The following CR1 variants were observed in gnomAD, a reference collection of about 807,000 sequenced individuals.
CR1 encodes complement C3b/C4b receptor 1 (Knops blood group), also known as complement receptor type 1.
CR1 carries 116 observed loss-of-function variants against 187.3 expected under a neutral mutation model. The ratio of observed to expected loss-of-function variants is 0.62; its 90% CI spans 0.53 to 0.72. CR1 has a LOEUF of 0.72. CR1 is among the 30% of genes least tolerant of loss of function. The probability of loss-of-function intolerance (pLI) is 0.00; values close to 1 mark genes in which losing one functional copy is unlikely to be tolerated. For synonymous variants in CR1, 576 were observed against 747.1 expected, an observed-to-expected ratio of 0.77 and a Z score of 3.73; for missense variants, 1,731 against 2,110.7, an observed-to-expected ratio of 0.82 and a Z score of 3.52.
chr1:207,500,456 A>C (rs1365141512), intron 1 of CR1, among the ~76,000 whole-genome samples: 2 of 152,216 alleles, frequency 1.3e-5, no homozygotes, highest in Non-Finnish European at 2.9e-5. Flanking sequence ...CAGACATGAA[A>C]GTGATGATGT....
intron 46 of CR1, among the ~76,000 whole-genome samples, chr1:207,631,441 C>T (rs1662643090): frequency 6.6e-6 from 1 of 152,132 alleles, no homozygotes. Context: ...GCAACAGAGA[C>T]CCCAAAAGCC....
At chr1:207,599,832 G>T (rs926589745) in intron 35 of CR1, among the ~76,000 whole-genome samples, 1 of 152,202 alleles carries the variant, frequency 6.6e-6, no homozygotes, top group African/African-American at 2.4e-5. Context: ...GACCACCTGA[G>T]ATGGAGGTGG....
intron 40 of CR1, 75 bp from the exon 41 acceptor site, chr1:207,616,500 A>C: frequency 6.8e-7 from 1 of 1,480,048 alleles, no homozygotes; most frequent in East Asian, 2.3e-5. Context: ...TTAAGCGCAC[A>C]GTCACAGGTC....
At chr1:207,618,345 A>G in intron 42 of CR1, 98 bp downstream of exon 42, 1 of 1,141,646 alleles carries the variant, frequency 8.8e-7, no homozygotes, top group East Asian at 2.5e-5. Context: ...AATGAAAGGG[A>G]TAATATTTTT....
At chr1:207,615,586 G>A (rs1433710209) in intron 40 of CR1, among the ~76,000 whole-genome samples, 8 of 152,122 alleles carry the variant, frequency 5.3e-5, no homozygotes, top group African/African-American at 1.9e-4. Context: ...ATTCTATTCT[G>A]TCTACTAAAG....
intron 1 of CR1, among the ~76,000 whole-genome samples, chr1:207,502,895 G>T (rs1659315189): frequency 6.6e-6 from 1 of 152,154 alleles, no homozygotes; most frequent in Non-Finnish European, 1.5e-5. Context: ...GAAGTCCCAG[G>T]CTGAATCCGG....
rs1660476233 is a variant in CR1, at chr1:207,565,820, T to G, written c.3867-18T>G. The G allele has an allele frequency of 5.0e-6, 8 of 1,610,334 alleles. No homozygotes were observed. The highest frequency in any genetic ancestry group is 6.8e-6 in the Non-Finnish European group (8 of 1,179,478). On this transcript the variant is annotated intron_variant, in intron 23 of 46. Coordinates refer to ENST00000367049, the MANE Select transcript of CR1 (RefSeq NM_000651.6). The stretch of plus-strand genomic sequence containing the variant: ...TTGGCTGAAACAGCTCACTATTCAC[T>G]CCTATTTTCTTCTTTAGATTTCAAT...
chr1:207,519,791 A>G (rs578091532), intron 4 of CR1, among the ~76,000 whole-genome samples: 5 of 151,696 alleles, frequency 3.3e-5, no homozygotes, highest in Non-Finnish European at 5.9e-5. Context: ...ACTGACGTAC[A>G]GAAAACAGAA....
chr1:207,504,088 C>A (rs1659355832), intron 1 of CR1, among the ~76,000 whole-genome samples: 1 of 152,144 alleles, frequency 6.6e-6, no homozygotes, highest in African/African-American at 2.4e-5. Flanking sequence ...AGGGGAAAGG[C>A]ATTAAATTTG....
chr1:207,575,575 T>G lies in CR1; in HGVS notation c.4452-20T>G. 6.2e-7 allele frequency: 1 copy of G among 1,611,824 alleles called. No individual in the cohort carries two copies. The highest frequency in any genetic ancestry group is 1.7e-5 in the Admixed American group (1 of 60,016). On this transcript the variant is annotated intron_variant, in intron 27 of 46. Transcript: ENST00000367049. Reference sequence around the variant, plus strand: ...GATGAGGTATGTACAGGACAATGATTTTCCATTTTTTGCCTTTAGGCACCG... The same window carrying G: ...GATGAGGTATGTACAGGACAATGATGTTCCATTTTTTGCCTTTAGGCACCG...
At chr1:207,606,805 G>A (rs958133429) in intron 35 of CR1, among the ~76,000 whole-genome samples, 1 of 152,024 alleles carries the variant, frequency 6.6e-6, no homozygotes, top group Non-Finnish European at 1.5e-5. Context: ...TAAATCCATT[G>A]TTCTTTCTTT....
intron 13 of CR1, among the ~76,000 whole-genome samples, chr1:207,544,680 G>C (rs1571528054): frequency 6.9e-6 from 1 of 145,150 alleles, no homozygotes; most frequent in East Asian, 2.0e-4. Context: ...TTCAGATTTT[G>C]TTCGACAGTT....
chr1:207,513,671 T>C (rs1306188437), intron 4 of CR1, among the ~76,000 whole-genome samples: 1 of 152,110 alleles, frequency 6.6e-6, no homozygotes, highest in Non-Finnish European at 1.5e-5. Flanking sequence ...AACCACCAAA[T>C]AATTATAATT....
chr1:207,523,503 T>A, intron 4 of CR1, 108 bp from the exon 5 acceptor site: 1 of 1,535,328 alleles, frequency 6.5e-7, no homozygotes, highest in East Asian at 2.4e-5. Flanking sequence ...TAGCAAAGAT[T>A]AAAAGCAAAT....
intron 32 of CR1, among the ~76,000 whole-genome samples, 165 bp downstream of exon 32, chr1:207,582,168 A>C (rs946164744): frequency 1.3e-5 from 2 of 152,232 alleles, no homozygotes; most frequent in African/African-American, 4.8e-5. Context: ...AAAAATAAAC[A>C]TGAGAATCAT....
At position 207,506,205 on chromosome 1, in the gene CR1, T is replaced by A. The variant is rs971755020; in HGVS notation, c.301+122T>A. Reference sequence around the variant, plus strand: ...TTAGTTTGCCAAGGTGCAATACATATGAGAATTATTCTTGTAGATCATACC... The same window carrying A: ...TTAGTTTGCCAAGGTGCAATACATAAGAGAATTATTCTTGTAGATCATACC... On this transcript the variant is annotated intron_variant, in intron 2 of 46. Transcript: ENST00000367049. 4 of 1,152,514 alleles carry A rather than the reference T, an allele frequency of 3.5e-6. No homozygotes were observed. In the African/African-American group the frequency reaches 6.2e-5, roughly 18 times the overall value. The allele number at this position is 1,152,514 out of a possible 1,614,324, so 71.4% of individuals were successfully genotyped here. A position where few individuals can be genotyped will look rare whatever the true frequency, so the allele number is the denominator to read the frequency against.
At chr1:207,497,402 C>G (rs560384147) in intron 1 of CR1, among the ~76,000 whole-genome samples, 18 of 152,278 alleles carry the variant, frequency 1.2e-4, no homozygotes, top group South Asian at 4.1e-4. Context: ...TTTGAAGTGA[C>G]AGTCTTGGTT....
At position 207,523,591 on chromosome 1, in the gene CR1, C is replaced by A. The variant is rs749739657; in HGVS notation, c.488-20C>A. ...ATTATTTAAACTGACTGTTATTTAT[C>A]CTGCTCTTCCTTTTTCCAGGAATTC... is the stretch of plus-strand genomic sequence containing the variant. On this transcript the variant is annotated intron_variant, in intron 4 of 46. Transcript: ENST00000367049. 1 of 1,613,524 alleles carries A rather than the reference C, an allele frequency of 6.2e-7. No homozygotes were observed. The highest frequency in any genetic ancestry group is 8.5e-7 in the Non-Finnish European group (1 of 1,179,832).
chr1:207,506,145 T>A, intron 2 of CR1, 62 bp downstream of exon 2: 1 of 1,569,052 alleles, frequency 6.4e-7, no homozygotes, highest in Non-Finnish European at 8.6e-7. Flanking sequence ...CTGATTCAAT[T>A]TGTTCAAATT....
Sources: allele counts gnomAD v4.1 joint callset (sites outside exome capture counted in the v4.1 genomes callset), GRCh38; gene constraint gnomAD v4.1.1; transcripts MANE v1.5; gene names NCBI Gene and HGNC (gene_info 2026-07-23, HGNC 2026-07-21).